The following ZSCAN1 variants were observed in gnomAD, a reference collection of about 807,000 sequenced individuals.
The protein encoded by ZSCAN1 is zinc finger and SCAN domain-containing protein 1.
Under a neutral mutation model 23.8 loss-of-function variants are expected in ZSCAN1, and 23 were observed. The observed-to-expected ratio is 0.97, with a 90% CI of 0.70 to 1.37. ZSCAN1 has a LOEUF of 1.37. Among genes scored for constraint, ZSCAN1 ranks in the 40% most tolerant of loss-of-function variants. The pLI is 0.00. For synonymous variants in ZSCAN1, 236 were observed against 232.3 expected, an observed-to-expected ratio of 1.02 and a Z score of -0.15; for missense variants, 575 against 554.0, an observed-to-expected ratio of 1.04 and a Z score of -0.38.
chr19:58,034,752 C>T (rs1356047842), intron 1 of ZSCAN1, among the ~76,000 whole-genome samples: 1 of 140,560 alleles, frequency 7.1e-6, no homozygotes, highest in Non-Finnish European at 1.6e-5. Context: ...CCAATCACCC[C>T]ACCATCCTCC....
At position 58,037,955 on chromosome 19, in the gene ZSCAN1, G is replaced by C. The variant is rs775725866; in HGVS notation, c.119G>C (p.Arg40Pro). 2 of 1,604,886 alleles carry C rather than the reference G, an allele frequency of 1.2e-6. No homozygotes were observed. Among genetic ancestry groups the C allele is most frequent in the Non-Finnish European group, 1.7e-6 (2 of 1,179,544 alleles). Residue 40 changes from arginine to proline, a missense_variant, in exon 3 of 6, where the codon CGC (arginine) becomes CCC (proline). Arg to Pro is a moderately radical substitution (Grantham distance 103). Coordinates refer to ENST00000282326, the MANE Select transcript of ZSCAN1 (RefSeq NM_182572.4). The part of the protein sequence containing the change: ...SPRDTEAQRL[R>P]FRQFQYHVAS... ...AGGGACACCGAAGCCCAGCGTCTGC[G>C]CTTCCGGCAGTTCCAGTACCACGTG...
In ZSCAN1 at chr19:58,040,062, A is replaced by G. The variant is rs1467048807; in HGVS notation, c.371-388A>G. On this transcript the variant is annotated intron_variant, in intron 3 of 5. Coordinates refer to ENST00000282326, the MANE Select transcript of ZSCAN1 (RefSeq NM_182572.4). The surrounding 1 kb of genome is among the most constrained non-coding windows in gnomAD (Gnocchi z 5.8). The stretch of plus-strand genomic sequence containing the variant: ...TTCCCACGTCTTGACCCTTCTGTCA[A>G]TGGTGTCCTGAACCCTGCTTCAGCA... Among the ~76,000 whole-genome samples the G allele has an allele frequency of 1.3e-5, 2 of 152,170 alleles. No individual in the cohort carries two copies. Among genetic ancestry groups the G allele is most frequent in the Admixed American group, 6.5e-5 (1 of 15,296 alleles).
chr19:58,050,670 G>A (rs531114706), intron 4 of ZSCAN1, among the ~76,000 whole-genome samples: 88 of 151,842 alleles, frequency 5.8e-4, no homozygotes, highest in African/African-American at 1.3e-3. Flanking sequence ...ACAGGTGCAC[G>A]CCACCACACT....
rs1343420574 is a variant in ZSCAN1 at position 58,047,810 on chromosome 19, C to T, written c.466-4680C>T. 2.0e-5 allele frequency among the ~76,000 whole-genome samples: 3 copies of T among 152,190 alleles called. No individual in the cohort carries two copies. Among genetic ancestry groups the T allele is most frequent in the Admixed American group, 1.3e-4 (2 of 15,284 alleles). On this transcript the variant is annotated intron_variant, in intron 4 of 5. Coordinates refer to ENST00000282326, the MANE Select transcript of ZSCAN1 (RefSeq NM_182572.4). The surrounding 1 kb of genome is among the most constrained non-coding windows in gnomAD (Gnocchi z 4.9). ...CCCCTGGGGCTTCAAGGGCAACACC[C>T]GCAGTGCTTAGGGTTTACCCTGTGC...
rs186256209 is a variant in ZSCAN1 at position 58,039,045 on chromosome 19, C to T, written c.370+839C>T. On this transcript the variant is annotated intron_variant, in intron 3 of 5. Transcript: ENST00000282326. Reference sequence around the variant, plus strand: ...GAGGAACAGGCCCTCCCTTTGCACCCTCCCACTACAGCATTTCCGTAGACC... The same window carrying T: ...GAGGAACAGGCCCTCCCTTTGCACCTTCCCACTACAGCATTTCCGTAGACC... Among the ~76,000 whole-genome samples, 7 of 152,366 alleles carry T rather than the reference C, an allele frequency of 4.6e-5. No homozygotes were observed. In the East Asian group the frequency reaches 1.3e-3, roughly 29 times the overall value.
In ZSCAN1 at chr19:58,047,254, G is replaced by C. The variant is rs951227913; in HGVS notation, c.466-5236G>C. On this transcript the variant is annotated intron_variant, in intron 4 of 5. Coordinates refer to ENST00000282326, the MANE Select transcript of ZSCAN1 (RefSeq NM_182572.4). The surrounding 1 kb of genome is among the most constrained non-coding windows in gnomAD (Gnocchi z 4.9). The stretch of plus-strand genomic sequence containing the variant: ...TGCTTTCTAGATTTCAGCATCAATA[G>C]ACCTGTCTTCCTGCATGCTTTTAGT... Among the ~76,000 whole-genome samples, 3 of 152,214 alleles carry C rather than the reference G, an allele frequency of 2.0e-5. No individual in the cohort carries two copies. Among genetic ancestry groups the C allele is most frequent in the African/African-American group, 7.2e-5 (3 of 41,460 alleles).
In ZSCAN1 at chr19:58,038,565, G is replaced by A. The variant is rs201427446; in HGVS notation, c.370+359G>A. ...CCTCCTGCAACACTCAGGAATCCTA[G>A]AGATCCTTAAGCCTTCACAGGGCGC... On this transcript the variant is annotated intron_variant, in intron 3 of 5. Coordinates refer to ENST00000282326, the MANE Select transcript of ZSCAN1 (RefSeq NM_182572.4). The A allele has an allele frequency of 1.3e-5, 7 of 534,404 alleles. No homozygotes were observed. In the East Asian group the frequency reaches 2.2e-4, roughly 17 times the overall value. The allele number at this position is 534,404 out of a possible 1,614,324, so 33.1% of individuals were successfully genotyped here. A position where few individuals can be genotyped will look rare whatever the true frequency, so the allele number is the denominator to read the frequency against.
intron 4 of ZSCAN1, chr19:58,044,785 G>C (rs1568603958): frequency 1.4e-6 from 1 of 725,466 alleles, no homozygotes; most frequent in East Asian, 2.7e-5. Flanking sequence ...GTGCTTCAGA[G>C]GCGATCACCT....
chr19:58,038,232 G>A (rs942374508), intron 3 of ZSCAN1, 26 bp downstream of exon 3: 5 of 1,582,348 alleles, frequency 3.2e-6, no homozygotes, highest in Middle Eastern at 1.9e-4. Context: ...TTCCTGCCCC[G>A]GGCCGGGCCA....
chr19:58,048,601 A>T (rs1476187617), intron 4 of ZSCAN1, among the ~76,000 whole-genome samples: 1 of 152,180 alleles, frequency 6.6e-6, no homozygotes, highest in Non-Finnish European at 1.5e-5. Flanking sequence ...TGCCCCACAG[A>T]CAAACGCCAC....
intron 3 of ZSCAN1, 30 bp downstream of exon 3, chr19:58,038,236 C>T (rs1226567838): frequency 2.5e-6 from 4 of 1,578,956 alleles, no homozygotes; most frequent in Non-Finnish European, 3.4e-6. Flanking sequence ...TGCCCCGGGC[C>T]GGGCCAGGGG....
chr19:58,054,120 G>A lies in ZSCAN1; in HGVS notation c.*69G>A. 7.0e-7 allele frequency: 1 copy of A among 1,433,084 alleles called. No homozygotes were observed. Among genetic ancestry groups the A allele is most frequent in the Non-Finnish European group, 9.1e-7 (1 of 1,096,440 alleles). The allele number at this position is 1,433,084 out of a possible 1,614,324, so 88.8% of individuals were successfully genotyped here. A position where few individuals can be genotyped will look rare whatever the true frequency, so the allele number is the denominator to read the frequency against. ...GGGGAGCTGATGGGCCCCAGAAGATGGGGGACATCCCCCAGCCCCACCAAC... is the reference window on the plus strand; with the variant it reads ...GGGGAGCTGATGGGCCCCAGAAGATAGGGGACATCCCCCAGCCCCACCAAC... On this transcript the variant is annotated 3_prime_UTR_variant, in exon 6 of 6. Coordinates refer to ENST00000282326, the MANE Select transcript of ZSCAN1 (RefSeq NM_182572.4). This position sits in a 1 kb window ranked among gnomAD's most constrained non-coding sequence, Gnocchi z 4.2.
chr19:58,041,698 A>G (rs1212287271), intron 4 of ZSCAN1, among the ~76,000 whole-genome samples: 1 of 129,404 alleles, frequency 7.7e-6, no homozygotes. Flanking sequence ...CCTGGGCAAC[A>G]TGGCAAGACC....
rs553827177 is a variant in ZSCAN1 at position 58,035,712 on chromosome 19, C to T, written c.-151-258C>T. 1.8e-3 allele frequency among the ~76,000 whole-genome samples: 281 copies of T among 152,294 alleles called. 1 individual carries two copies. Among genetic ancestry groups the T allele is most frequent in the African/African-American group, 6.4e-3 (267 of 41,564 alleles). On this transcript the variant is annotated intron_variant, in intron 1 of 5. Coordinates refer to ENST00000282326, the MANE Select transcript of ZSCAN1 (RefSeq NM_182572.4). ...GTTTCCCAATCAGGGTGCAGGTGGC[C>T]GGGTACGCTGACTCGAAGATGGCTG...
downstream of ZSCAN1, among the ~76,000 whole-genome samples, chr19:58,056,124 G>A (rs1478652619): frequency 5.9e-5 from 9 of 152,168 alleles, no homozygotes; most frequent in Admixed American, 2.0e-4. Context: ...GCCTGCAGCT[G>A]CCTCTAAGCA....
chr19:58,039,953 C>G (rs1247316311), intron 3 of ZSCAN1, among the ~76,000 whole-genome samples: 2 of 152,074 alleles, frequency 1.3e-5, no homozygotes, highest in Non-Finnish European at 2.9e-5. Context: ...AGGCTGCTCT[C>G]AAACTCTTGG....
chr19:58,036,207 G>A (rs1300771888), intron 2 of ZSCAN1, among the ~76,000 whole-genome samples, 196 bp downstream of exon 2: 2 of 152,160 alleles, frequency 1.3e-5, no homozygotes, highest in South Asian at 4.1e-4. Flanking sequence ...ACATGATGGG[G>A]GAGGTAGTTG....
At position 58,045,045 on chromosome 19, in the gene ZSCAN1, G is replaced by A. The variant is rs1382069858; in HGVS notation, c.465+4501G>A. ...CAGAGATGGTGGTGAAGTCCCGGGG[G>A]CAGAGAGGGTGCTGGGCGAGCTGAG... On this transcript the variant is annotated intron_variant, in intron 4 of 5. Coordinates refer to ENST00000282326, the MANE Select transcript of ZSCAN1 (RefSeq NM_182572.4). The surrounding 1 kb of genome is among the most constrained non-coding windows in gnomAD (Gnocchi z 4.3). The A allele has an allele frequency of 9.0e-6, 10 of 1,109,288 alleles. No individual in the cohort carries two copies. Among genetic ancestry groups the A allele is most frequent in the Non-Finnish European group, 1.4e-5 (10 of 724,956 alleles). The allele number at this position is 1,109,288 out of a possible 1,614,324, so 68.7% of individuals were successfully genotyped here.
At chr19:58,052,967 T>C (rs1234130588) in intron 5 of ZSCAN1, among the ~76,000 whole-genome samples, 1 of 151,436 alleles carries the variant, frequency 6.6e-6, no homozygotes, top group Non-Finnish European at 1.5e-5. Flanking sequence ...GTGCCTTTTT[T>C]TTTTTTTTTC....
Sources: gnomAD v4.1 joint callset for allele counts (sites outside exome capture counted in the v4.1 genomes callset) on GRCh38, gnomAD v4.1.1 for gene constraint, Gnocchi (gnomAD v3.1) non-coding constraint, MANE v1.5 for transcripts, NCBI Gene and HGNC (gene_info 2026-07-23, HGNC 2026-07-21) for gene names.